Variants in ZMYM6 observed in about 807,000 individuals in gnomAD.
The protein encoded by ZMYM6 is zinc finger MYM-type containing 6.
In ZMYM6, 90 loss-of-function variants were observed where a neutral mutation model predicts 134.0. The ratio of observed to expected loss-of-function variants is 0.67; its 90% CI spans 0.57 to 0.80. The LOEUF (loss-of-function observed/expected upper bound fraction) is 0.80, where lower values mean the gene tolerates loss of function less well. ZMYM6 is among the 30% of genes least tolerant of loss of function. The probability of loss-of-function intolerance (pLI) is 0.00; values close to 1 mark genes in which losing one functional copy is unlikely to be tolerated. For synonymous variants in ZMYM6, 481 were observed against 524.1 expected, an observed-to-expected ratio of 0.92 and a Z score of 1.12; for missense variants, 1,362 against 1,533.9, an observed-to-expected ratio of 0.89 and a Z score of 1.87.
At chr1:35,022,826 G>A (rs1440790266) in intron 2 of ZMYM6, among the ~76,000 whole-genome samples, 1 of 152,108 alleles carries the variant, frequency 6.6e-6, no homozygotes, top group Non-Finnish European at 1.5e-5. Flanking sequence ...GACAATACCT[G>A]TTTTTCTCAC....
At chr1:35,017,110 A>G (rs1010488441) in intron 4 of ZMYM6, 6 of 152,226 alleles carry the variant, frequency 3.9e-5, no homozygotes, top group African/African-American at 1.4e-4. Context: ...TGTCAAAGTC[A>G]TATTGCTAGT....
At chr1:35,022,788 T>C (rs1249175224) in intron 2 of ZMYM6, among the ~76,000 whole-genome samples, 1 of 152,134 alleles carries the variant, frequency 6.6e-6, no homozygotes, top group East Asian at 1.9e-4. Context: ...TACACACACA[T>C]TAGACTAAAA....
In ZMYM6 at chr1:35,019,785, G is replaced by A. The variant is rs868546566; in HGVS notation, c.179-183C>T. Among the ~76,000 whole-genome samples the A allele has an allele frequency of 1.3e-4, 20 of 152,006 alleles. No homozygotes were observed. In the South Asian group the frequency reaches 1.7e-3, roughly 13 times the overall value. On this transcript the variant is annotated intron_variant, in intron 3 of 15. Coordinates refer to ENST00000357182, the MANE Select transcript of ZMYM6 (RefSeq NM_007167.4). ...ACTCCCAGGATTAACCAGTCCTCCC[G>A]CCTCAGCCTCTTGAGTAGCTAGGAC...
chr1:35,010,419 TC>T (rs1440759763), intron 10 of ZMYM6, 27 bp downstream of exon 10: 2 of 1,595,862 alleles, frequency 1.3e-6, no homozygotes, highest in East Asian at 4.5e-5. Context: ...CAACCCATGC[TC>T]TGTGAATAAA....
At chr1:35,015,743 A>AAAAAAAAAATAT in intron 4 of ZMYM6, among the ~76,000 whole-genome samples, 5 of 106,472 alleles carry the variant, frequency 4.7e-5, no homozygotes, top group African/African-American at 2.6e-4. Context: ...AAAAAAAAAA[A>AAAAAAAAAATAT]ATATATATAT....
chr1:35,012,571 T>C lies in ZMYM6; in HGVS notation c.806A>G (p.Gln269Arg), dbSNP rs557119349. The change falls in exon 7 of 16, where the codon CAA becomes CGA. Residue 269 changes from glutamine (Q) to arginine (R), a missense_variant. Gln to Arg is a conservative substitution (Grantham distance 43, BLOSUM62 1). Around this residue, in one of 3 missense-constraint regions of ZMYM6, gnomAD observed 503 missense variants for 520.8 expected, o/e 0.97. Coordinates refer to ENST00000357182, the MANE Select transcript of ZMYM6 (RefSeq NM_007167.4). ...CTTCCCCAGGGCATATGGAGGAATTTGGGCAGAATTCTATTAAAATAAAAT... is the reference window on the plus strand; with the variant it reads ...CTTCCCCAGGGCATATGGAGGAATTCGGGCAGAATTCTATTAAAATAAAAT... Reference protein sequence around the residue: ...SVTAYKQNSAQIPPYALGKSL... With the variant: ...SVTAYKQNSARIPPYALGKSL... 1 of 1,613,450 alleles carries C rather than the reference T, an allele frequency of 6.2e-7. No homozygotes were observed. Among genetic ancestry groups the C allele is most frequent in the South Asian group, 1.1e-5 (1 of 90,928 alleles).
chr1:35,029,063 G>C (rs1331959146), intron 2 of ZMYM6, among the ~76,000 whole-genome samples: 1 of 151,830 alleles, frequency 6.6e-6, no homozygotes, highest in Admixed American at 6.6e-5. Flanking sequence ...GTGGTGGCAG[G>C]CGCCTATAAT....
At chr1:35,012,336 T>C (rs1569776129) in intron 7 of ZMYM6, 95 bp downstream of exon 7, 10 of 1,127,800 alleles carry the variant, frequency 8.9e-6, no homozygotes, top group South Asian at 6.5e-5. Context: ...TTTAACTAAA[T>C]AGATAAATTT....
intron 13 of ZMYM6, 47 bp downstream of exon 13, chr1:35,005,085 A>C: frequency 6.2e-7 from 1 of 1,608,462 alleles, no homozygotes; most frequent in Non-Finnish European, 8.5e-7. Context: ...AGGCTAGACA[A>C]CACTCACTTC....
Position 35,015,013 on chromosome 1 carries a change from C to T in ZMYM6, c.578G>A (p.Cys193Tyr), listed in dbSNP as rs373000888. 5.0e-6 allele frequency: 8 copies of T among 1,612,894 alleles called. No homozygotes were observed. The African/African-American group carries it at 1.1e-4, about 22-fold the overall frequency. ...ATCAGCATTCTTCTGACACATACTG[C>T]ACTTAGTTGAAATGCTTTTGGTATA... Reference protein sequence around the residue: ...TIYTKSISTKCSMCQKNADTR... With the variant: ...TIYTKSISTKYSMCQKNADTR... Residue 193 changes from cysteine (C) to tyrosine (Y), a missense_variant, in exon 5 of 16, where the codon TGC (cysteine) becomes TAC (tyrosine). Physicochemically the swap from Cys to Tyr is radical, Grantham distance 194. Around this residue, in one of 3 missense-constraint regions of ZMYM6, gnomAD observed 503 missense variants for 520.8 expected, o/e 0.97. Transcript: ENST00000357182.
At chr1:34,998,567 C>T (rs1439837709) in intron 14 of ZMYM6, among the ~76,000 whole-genome samples, 1 of 152,066 alleles carries the variant, frequency 6.6e-6, no homozygotes, top group East Asian at 1.9e-4. Flanking sequence ...AGATAGGTCA[C>T]TGCAATAATC....
Position 35,026,436 on chromosome 1 carries a change from AAAT to A in ZMYM6, c.93+4108_93+4110del, listed in dbSNP as rs140044450. Among the ~76,000 whole-genome samples the A allele has an allele frequency of 1.7e-3, 266 of 152,344 alleles. 2 individuals are homozygous for A. The highest frequency in any genetic ancestry group is 6.2e-3 in the African/African-American group (257 of 41,594). On this transcript the variant is annotated intron_variant, in intron 2 of 15. Coordinates refer to ENST00000357182, the MANE Select transcript of ZMYM6 (RefSeq NM_007167.4). ...AGGAGATTCATCAATGCAACATAGA[AAAT>A]AATACACAATTTGTTCAATTGGCTT... is the stretch of plus-strand genomic sequence containing the variant.
chr1:35,009,973 T>A (rs1641054736), intron 10 of ZMYM6, among the ~76,000 whole-genome samples: 1 of 151,960 alleles, frequency 6.6e-6, no homozygotes, highest in Non-Finnish European at 1.5e-5. Flanking sequence ...ATAAAAAGAT[T>A]GACTTTAAAG....
At position 34,988,330 on chromosome 1, in the gene ZMYM6, T is replaced by A. The variant is rs775265415; in HGVS notation, c.2752A>T (p.Ile918Phe). The A allele has an allele frequency of 1.3e-6, 2 of 1,551,362 alleles. No individual in the cohort carries two copies. Among genetic ancestry groups the A allele is most frequent in the Non-Finnish European group, 1.7e-6 (2 of 1,146,866 alleles). Residue 918 changes from isoleucine to phenylalanine, a missense_variant, in exon 16 of 16, where the codon ATC becomes TTC. Ile to Phe is a conservative substitution (Grantham distance 21). Coordinates refer to ENST00000357182, the MANE Select transcript of ZMYM6 (RefSeq NM_007167.4). ...CACAAAAGAAGTGTGATATTTGAGA[T>A]TTCTGATGACTCATCTATCTGAAGG... The part of the protein sequence containing the change: ...FALQIDESSE[I>F]SNITLLLCYI...
chr1:34,996,578 A>G (rs1276617422), intron 14 of ZMYM6, among the ~76,000 whole-genome samples: 2 of 151,392 alleles, frequency 1.3e-5, no homozygotes, highest in African/African-American at 2.4e-5. Flanking sequence ...GTGTGTGTGT[A>G]TGTGTGTGTG....
At chr1:34,997,900 T>C (rs1640811291) in intron 14 of ZMYM6, among the ~76,000 whole-genome samples, 1 of 152,158 alleles carries the variant, frequency 6.6e-6, no homozygotes, top group African/African-American at 2.4e-5. Context: ...GTCTACTCAG[T>C]TGTCACAGCA....
chr1:35,022,277 T>G lies in ZMYM6; in HGVS notation c.94-1810A>C, dbSNP rs190309714. Among the ~76,000 whole-genome samples the G allele has an allele frequency of 6.3e-3, 957 of 152,260 alleles. 8 individuals carry two copies. Among genetic ancestry groups the G allele is most frequent in the African/African-American group, 0.02 (819 of 41,568 alleles). Reference sequence around the variant, plus strand: ...AAACCCAGTCTCTCTGTTTTGTTTTTTTTTTCTTTTTGAGACGGAGTCTCG... The same window carrying G: ...AAACCCAGTCTCTCTGTTTTGTTTTGTTTTTCTTTTTGAGACGGAGTCTCG... On this transcript the variant is annotated intron_variant, in intron 2 of 15. Coordinates refer to ENST00000357182, the MANE Select transcript of ZMYM6 (RefSeq NM_007167.4).
chr1:35,004,995 T>C, intron 13 of ZMYM6, 137 bp downstream of exon 13: 3 of 939,846 alleles, frequency 3.2e-6, no homozygotes, highest in Non-Finnish European at 4.7e-6. Flanking sequence ...GAGGCGGTGG[T>C]TGCAGTGAGT....
intron 10 of ZMYM6, among the ~76,000 whole-genome samples, chr1:35,010,191 G>A (rs1043620753): frequency 1.3e-5 from 2 of 151,144 alleles, no homozygotes; most frequent in Non-Finnish European, 3.0e-5. Context: ...GTATAGAGAC[G>A]GTGTTTTTTA....
Sources: gnomAD v4.1 joint callset for allele counts (sites outside exome capture counted in the v4.1 genomes callset) on GRCh38, gnomAD v4.1.1 for gene constraint, gnomAD v4.1.1 regional missense constraint, MANE v1.5 for transcripts, NCBI Gene and HGNC (gene_info 2026-07-23, HGNC 2026-07-21) for gene names.